Variants in GRIA4 observed in about 807,000 individuals in gnomAD.
The protein encoded by GRIA4 is glutamate receptor 4.
In GRIA4, 34 loss-of-function variants were observed where a neutral mutation model predicts 104.0. The ratio of observed to expected loss-of-function variants is 0.33; its 90% CI spans 0.25 to 0.44. The LOEUF (loss-of-function observed/expected upper bound fraction) is 0.44, where lower values mean the gene tolerates loss of function less well. Ranked by LOEUF, GRIA4 falls within the 20% of genes least tolerant of loss-of-function variation. The pLI, the probability that GRIA4 is intolerant of heterozygous loss-of-function variation, is 1.00. For missense variants in GRIA4, 750 were observed against 1,096.5 expected (o/e 0.68, Z 4.46); for synonymous variants, 386 against 381.9 (o/e 1.01, Z -0.13).
intron 3 of GRIA4, among the ~76,000 whole-genome samples, chr11:105,747,365 T>C (rs1215813579): frequency 6.6e-6 from 1 of 152,022 alleles, no homozygotes; most frequent in Non-Finnish European, 1.5e-5. Context: ...ACACACAAAA[T>C]AGTATCAAAT....
chr11:105,822,727 A>G (rs1459923990), intron 4 of GRIA4, among the ~76,000 whole-genome samples: 5 of 152,158 alleles, frequency 3.3e-5, no homozygotes, highest in Non-Finnish European at 7.4e-5. Context: ...TCTTAACATA[A>G]TAATAGTATA....
At chr11:105,610,882 T>TTTTG in intron 1 of GRIA4, 26 bp from the exon 2 acceptor site, 4 of 471,844 alleles carry the variant, frequency 8.5e-6, no homozygotes, top group Admixed American at 3.6e-5. Flanking sequence ...TTTTTTTTTT[T>TTTTG]TTTTTTTGGT....
intron 14 of GRIA4, among the ~76,000 whole-genome samples, chr11:105,967,867 C>T (rs1176226318): frequency 3.3e-5 from 5 of 152,150 alleles, no homozygotes; most frequent in Non-Finnish European, 7.3e-5. Context: ...TACTAGGAGA[C>T]AGTTGTTGCT....
intron 4 of GRIA4, chr11:105,842,847 T>C (rs532179384): frequency 6.6e-6 from 1 of 152,366 alleles, no homozygotes; most frequent in South Asian, 2.1e-4. Context: ...CAAGAATTCT[T>C]ACTGCATATC....
At chr11:105,680,089 G>T (rs974827148) in intron 3 of GRIA4, among the ~76,000 whole-genome samples, 6 of 152,118 alleles carry the variant, frequency 3.9e-5, no homozygotes, top group African/African-American at 1.4e-4. Flanking sequence ...GGTTTACCTA[G>T]AAGCATGAGG....
At position 105,788,998 on chromosome 11, in the gene GRIA4, A is replaced by T. The variant is rs72985116; in HGVS notation, c.487+35778A>T. 9.0e-3 allele frequency among the ~76,000 whole-genome samples: 1,364 copies of T among 152,286 alleles called. 7 individuals carry two copies. The highest frequency in any genetic ancestry group is 0.013 in the Admixed American group (206 of 15,266). ...AAGCCACAGGGAATTAGGACTTAGG[A>T]CTAAATTGTCTACAACCAAAAGTAC... is the stretch of plus-strand genomic sequence containing the variant. On this transcript the variant is annotated intron_variant, in intron 4 of 16. Transcript: ENST00000282499.
intron 13 of GRIA4, among the ~76,000 whole-genome samples, chr11:105,928,468 T>C (rs1947780270): frequency 6.6e-6 from 1 of 151,986 alleles, no homozygotes; most frequent in African/African-American, 2.4e-5. Flanking sequence ...TTCTACAGCT[T>C]AATAATAGAA....
chr11:105,687,411 A>G (rs1243122853), intron 3 of GRIA4, among the ~76,000 whole-genome samples: 2 of 152,214 alleles, frequency 1.3e-5, no homozygotes, highest in African/African-American at 4.8e-5. Flanking sequence ...TATGCTATAT[A>G]GAAGGCAGAA....
At chr11:105,718,131 A>G (rs632100) in intron 3 of GRIA4, among the ~76,000 whole-genome samples, 81,873 of 151,848 alleles carry the variant, frequency 0.54, 22,190 homozygotes, top group Admixed American at 0.61. Flanking sequence ...CACCTCAAAC[A>G]TAAGCCCAGA....
At position 105,809,055 on chromosome 11, in the gene GRIA4, C is replaced by T. The variant is rs905264294; in HGVS notation, c.488-52969C>T. 2.6e-5 allele frequency among the ~76,000 whole-genome samples: 4 copies of T among 151,960 alleles called. No homozygotes were observed. In the East Asian group the frequency reaches 7.7e-4, roughly 29 times the overall value. On this transcript the variant is annotated intron_variant, in intron 4 of 16. Transcript: ENST00000282499. ...GTTAATAGTGGTTCATTAATTGTGACAAATATACCTCACTGAGGTAAGATG... is the reference window on the plus strand; with the variant it reads ...GTTAATAGTGGTTCATTAATTGTGATAAATATACCTCACTGAGGTAAGATG...
intron 7 of GRIA4, among the ~76,000 whole-genome samples, chr11:105,903,472 C>A (rs995416134): frequency 2.6e-5 from 4 of 152,192 alleles, no homozygotes; most frequent in Non-Finnish European, 5.9e-5. Context: ...TACAAAGCTG[C>A]ATTAGCCTTT....
intron 4 of GRIA4, among the ~76,000 whole-genome samples, chr11:105,830,276 T>C (rs1321841721): frequency 6.6e-6 from 1 of 152,006 alleles, no homozygotes; most frequent in African/African-American, 2.4e-5. Context: ...GGTGACTATT[T>C]GGGAAACTAG....
At chr11:105,667,543 T>G (rs1225987219) in intron 3 of GRIA4, among the ~76,000 whole-genome samples, 1 of 152,046 alleles carries the variant, frequency 6.6e-6, no homozygotes, top group African/African-American at 2.4e-5. Flanking sequence ...TAGTTATCTC[T>G]ATGCCTCCCC....
At chr11:105,748,943 A>C (rs188223625) in intron 3 of GRIA4, among the ~76,000 whole-genome samples, 2 of 152,304 alleles carry the variant, frequency 1.3e-5, no homozygotes, top group East Asian at 3.9e-4. Flanking sequence ...GATCATGAGA[A>C]CATAGATGGT....
At chr11:105,948,071 T>C (rs1948361996) in intron 14 of GRIA4, among the ~76,000 whole-genome samples, 1 of 152,214 alleles carries the variant, frequency 6.6e-6, no homozygotes, top group African/African-American at 2.4e-5. Flanking sequence ...CTCAGCTTCC[T>C]TTCATTAGCT....
At chr11:105,660,788 T>C (rs926408115) in intron 3 of GRIA4, among the ~76,000 whole-genome samples, 6 of 151,676 alleles carry the variant, frequency 4.0e-5, no homozygotes, top group African/African-American at 1.2e-4. Context: ...GACATATCTA[T>C]ATATCTATAT....
At chr11:105,828,319 C>T (rs1284945234) in intron 4 of GRIA4, among the ~76,000 whole-genome samples, 2 of 151,860 alleles carry the variant, frequency 1.3e-5, no homozygotes, top group East Asian at 1.9e-4. Context: ...AGAATGAACC[C>T]GGAAAGACAT....
At chr11:105,794,465 A>ATATG (rs1276582241) in intron 4 of GRIA4, among the ~76,000 whole-genome samples, 2,596 of 52,122 alleles carry the variant, frequency 0.05, 233 homozygotes, top group Admixed American at 0.056. Context: ...GTGTGTGTGT[A>ATATG]TATGTATGTA....
chr11:105,908,749 G>A (rs1947131164), intron 9 of GRIA4, among the ~76,000 whole-genome samples: 1 of 151,918 alleles, frequency 6.6e-6, no homozygotes, highest in Non-Finnish European at 1.5e-5. Context: ...CAATATCTAG[G>A]TACTCTCCAA....
Sources: gnomAD v4.1 joint callset for allele counts (sites outside exome capture counted in the v4.1 genomes callset) on GRCh38, gnomAD v4.1.1 for gene constraint, MANE v1.5 for transcripts, NCBI Gene and HGNC (gene_info 2026-07-23, HGNC 2026-07-21) for gene names.